SLC26A3: variants seen among roughly 807,000 people sequenced by gnomAD.
The protein encoded by SLC26A3 is solute carrier family 26 member 3.
A neutral mutation model predicts 85.6 loss-of-function variants in SLC26A3; 64 were observed. The ratio of observed to expected loss-of-function variants is 0.75; its 90% confidence interval spans 0.61 to 0.92. The LOEUF (loss-of-function observed/expected upper bound fraction) is 0.92, where lower values mean the gene tolerates loss of function less well. Ranked by LOEUF, SLC26A3 falls within the 40% of genes least tolerant of loss-of-function variation. SLC26A3 has a pLI of 0.00. For missense variants in SLC26A3, 922 were observed against 927.3 expected, an observed-to-expected ratio of 0.99 and a Z score of 0.07; for synonymous variants, 349 against 336.0, an observed-to-expected ratio of 1.04 and a Z score of -0.42.
At chr7:107,781,102 CATACAT>C (rs1156747064) in intron 11 of SLC26A3, among the ~76,000 whole-genome samples, 2 of 152,058 alleles carry the variant, frequency 1.3e-5, no homozygotes, top group Non-Finnish European at 2.9e-5. Flanking sequence ...TTTACGATGA[CATACAT>C]ATACAACAGA....
At chr7:107,791,776 A>C (rs1794407005) in intron 4 of SLC26A3, 54 bp downstream of exon 4, 8 of 1,173,422 alleles carry the variant, frequency 6.8e-6, no homozygotes, top group Non-Finnish European at 7.7e-6. Context: ...ATGGCTAATA[A>C]AATTCATAAG....
intron 15 of SLC26A3, 154 bp downstream of exon 15, chr7:107,776,298 C>T: frequency 1.4e-6 from 1 of 697,224 alleles, no homozygotes; most frequent in Non-Finnish European, 2.6e-6. Flanking sequence ...AAGGTAGTTT[C>T]ATCTGTTCTG....
At chr7:107,778,701 C>T (rs993686230) in intron 12 of SLC26A3, among the ~76,000 whole-genome samples, 11 of 152,020 alleles carry the variant, frequency 7.2e-5, no homozygotes, top group African/African-American at 2.7e-4. Context: ...TTAAAATCAG[C>T]AAATTAGACT....
At chr7:107,770,660 G>A (rs1194028317) in intron 18 of SLC26A3, among the ~76,000 whole-genome samples, 1 of 152,114 alleles carries the variant, frequency 6.6e-6, no homozygotes, top group East Asian at 1.9e-4. Flanking sequence ...AGCTTCATGA[G>A]GACAGAGGCT....
At chr7:107,793,991 A>G (rs1330553438) in intron 2 of SLC26A3, 110 bp from the exon 3 acceptor site, 2 of 1,369,210 alleles carry the variant, frequency 1.5e-6, no homozygotes, top group African/African-American at 1.4e-5. Context: ...TAAACTAGTA[A>G]TTTCACTCCC....
At position 107,782,871 on chromosome 7, in the gene SLC26A3, C is replaced by A; in HGVS notation, c.1237G>T (p.Ala413Ser). 1 of 1,613,978 alleles carries A rather than the reference C, an allele frequency of 6.2e-7. No homozygotes were observed. Among genetic ancestry groups the A allele is most frequent in the Non-Finnish European group, 8.5e-7 (1 of 1,179,994 alleles). Residue 413 changes from alanine (A) to serine (S), a missense_variant, in exon 11 of 21, where the codon GCT (alanine) becomes TCT (serine). Transcript: ENST00000340010. ...ACGATGATGGCACCAATAAGCCCAG[C>A]AATCTGTGAGGATAAAAAAATTATC... ...QESTGGKTQI[A>S]GLIGAIIVLI...
chr7:107,774,294 G>A lies in SLC26A3; in HGVS notation c.1774-141C>T, dbSNP rs1405914864. 4.1e-6 allele frequency: 3 copies of A among 733,014 alleles called. No homozygotes were observed. The African/African-American group carries it at 5.2e-5, about 13-fold the overall frequency. 45.4% of individuals were successfully genotyped at this position (733,014 alleles called of 1,614,324 possible). ...GGACTAGGTGTGGTGGCTCATGCCT[G>A]TCATCCCAGCACTTTAGGAAACTGA... On this transcript the variant is annotated intron_variant, in intron 16 of 20. Coordinates refer to ENST00000340010, the MANE Select transcript of SLC26A3 (RefSeq NM_000111.3).
intron 15 of SLC26A3, among the ~76,000 whole-genome samples, chr7:107,775,635 G>A (rs372869470): frequency 3.4e-4 from 52 of 151,720 alleles, no homozygotes; most frequent in African/African-American, 1.2e-3. Flanking sequence ...GGGGGGCTGA[G>A]GTAGGGGGAT....
At chr7:107,769,775 G>A (rs1369097871) in intron 18 of SLC26A3, among the ~76,000 whole-genome samples, 1 of 151,962 alleles carries the variant, frequency 6.6e-6, no homozygotes, top group Non-Finnish European at 1.5e-5. Context: ...TATATTTTAG[G>A]GACAGGATCC....
intron 8 of SLC26A3, among the ~76,000 whole-genome samples, chr7:107,786,447 C>T (rs1243599631): frequency 6.6e-6 from 1 of 152,024 alleles, no homozygotes; most frequent in African/African-American, 2.4e-5. Context: ...CAGGCATGAG[C>T]CACCGGGTCT....
intron 6 of SLC26A3, among the ~76,000 whole-genome samples, chr7:107,789,150 T>A (rs1425896293): frequency 2.7e-5 from 4 of 148,156 alleles, no homozygotes. Context: ...AGAGTCTCAC[T>A]GTGTTGCCCA....
At chr7:107,797,666 T>G (rs1794531810) in intron 1 of SLC26A3, among the ~76,000 whole-genome samples, 1 of 151,756 alleles carries the variant, frequency 6.6e-6, no homozygotes, top group South Asian at 2.1e-4. Flanking sequence ...GTGCCTCTGC[T>G]GAAGAGATGT....
At chr7:107,798,447 C>A (rs1377385266) in intron 1 of SLC26A3, among the ~76,000 whole-genome samples, 4 of 152,192 alleles carry the variant, frequency 2.6e-5, no homozygotes, top group Non-Finnish European at 5.9e-5. Context: ...CTGCCCCGCT[C>A]TGCTGAGAAG....
rs1415249072 is a variant in SLC26A3 at position 107,765,588 on chromosome 7, A to T, written c.*267T>A. 1 of 421,002 alleles carries T rather than the reference A, an allele frequency of 2.4e-6. No homozygotes were observed. Among genetic ancestry groups the T allele is most frequent in the African/African-American group, 2.0e-5 (1 of 49,552 alleles). The allele number at this position is 421,002 out of a possible 1,614,324, so 26.1% of individuals were successfully genotyped here. ...TGCATGAAGGTAGTGACTAGGATGG[A>T]AATCTGTCAGTGCTACAAAAATATG... On this transcript the variant is annotated 3_prime_UTR_variant, in exon 21 of 21. Coordinates refer to ENST00000340010, the MANE Select transcript of SLC26A3 (RefSeq NM_000111.3).
At chr7:107,802,932 C>T (rs1794622501) in intron 1 of SLC26A3, among the ~76,000 whole-genome samples, 179 bp downstream of exon 1, 1 of 152,128 alleles carries the variant, frequency 6.6e-6, no homozygotes, top group Non-Finnish European at 1.5e-5. Flanking sequence ...ATTTATTCTA[C>T]ATTGCTAGCG....
intron 6 of SLC26A3, among the ~76,000 whole-genome samples, chr7:107,789,279 G>A (rs1299996287): frequency 2.0e-5 from 3 of 151,376 alleles, no homozygotes; most frequent in Non-Finnish European, 4.4e-5. Flanking sequence ...ACCATGCCCG[G>A]CTATTTTTTT....
chr7:107,794,267 G>A, intron 2 of SLC26A3, 112 bp downstream of exon 2: 1 of 1,234,342 alleles, frequency 8.1e-7, no homozygotes, highest in Non-Finnish European at 1.2e-6. Flanking sequence ...AAAGAGGAAA[G>A]GACTGTAGGC....
At chr7:107,787,254 A>T in intron 7 of SLC26A3, 103 bp downstream of exon 7, 1 of 1,133,936 alleles carries the variant, frequency 8.8e-7, no homozygotes. Flanking sequence ...AACTGCAGAG[A>T]TGGCCTCTGC....
At chr7:107,772,972 G>T (rs1032101464) in intron 17 of SLC26A3, among the ~76,000 whole-genome samples, 3 of 152,084 alleles carry the variant, frequency 2.0e-5, no homozygotes. Context: ...GCTCTCACTT[G>T]GGCAGATTTT....
Sources: allele counts gnomAD v4.1 joint callset (sites outside exome capture counted in the v4.1 genomes callset), GRCh38; gene constraint gnomAD v4.1.1; transcripts MANE v1.5; gene names NCBI Gene and HGNC (gene_info 2026-07-23, HGNC 2026-07-21).